USP32: variants seen among roughly 807,000 people sequenced by gnomAD.
The protein encoded by USP32 is ubiquitin carboxyl-terminal hydrolase 32.
In USP32, 59 loss-of-function variants were observed where a neutral mutation model predicts 204.8. That is an observed-to-expected ratio of 0.29 (90% CI 0.23 to 0.36). The LOEUF (loss-of-function observed/expected upper bound fraction) is 0.36, where lower values mean the gene tolerates loss of function less well. Ranked by LOEUF, USP32 falls within the 10% of genes least tolerant of loss-of-function variation. USP32 has a pLI of 1.00. For missense variants in USP32, 1,160 were observed against 1,946.4 expected (o/e 0.60, Z 7.60); for synonymous variants, 517 against 678.4 (o/e 0.76, Z 3.70).
intron 5 of USP32, among the ~76,000 whole-genome samples, chr17:60,283,836 C>G (rs2087036074): frequency 6.6e-6 from 1 of 151,932 alleles, no homozygotes; most frequent in Admixed American, 6.6e-5. Context: ...TAGGTATCAC[C>G]TACAAAGATA....
intron 9 of USP32, chr17:60,257,125 G>A (rs1205822393): frequency 5.6e-6 from 1 of 178,132 alleles, no homozygotes; most frequent in African/African-American, 2.4e-5. Flanking sequence ...TTTGAGAAAA[G>A]CAAAGGTTTT....
chr17:60,317,632 T>C (rs1030518073), intron 2 of USP32, among the ~76,000 whole-genome samples: 2 of 151,252 alleles, frequency 1.3e-5, no homozygotes, highest in African/African-American at 4.9e-5. Flanking sequence ...CTGGGCAAAA[T>C]AGCGAGACCC....
At chr17:60,198,615 TA>T (rs2084589196) in intron 26 of USP32, among the ~76,000 whole-genome samples, 171 bp from the exon 27 acceptor site, 3 of 152,370 alleles carry the variant, frequency 2.0e-5, no homozygotes, top group Admixed American at 1.3e-4. Context: ...AGAGAACGGT[TA>T]CAGTGGAGTC....
chr17:60,350,914 A>G (rs748200075), intron 1 of USP32, among the ~76,000 whole-genome samples: 7 of 152,112 alleles, frequency 4.6e-5, no homozygotes, highest in Non-Finnish European at 1.0e-4. Flanking sequence ...TTTAACTCAC[A>G]AAGACAAAAA....
intron 2 of USP32, among the ~76,000 whole-genome samples, chr17:60,337,162 T>C (rs2088542677): frequency 2.0e-5 from 3 of 152,298 alleles, no homozygotes; most frequent in East Asian, 3.9e-4. Flanking sequence ...ACCTAGACTA[T>C]CTGGTAAATA....
chr17:60,332,556 G>GT (rs1360295967), intron 2 of USP32, among the ~76,000 whole-genome samples: 3 of 152,166 alleles, frequency 2.0e-5, no homozygotes. Context: ...GCTGAAGCAG[G>GT]AGAATCGCTT....
intron 12 of USP32, among the ~76,000 whole-genome samples, chr17:60,227,228 C>A (rs1044499798): frequency 6.6e-6 from 1 of 150,672 alleles, no homozygotes; most frequent in Admixed American, 6.6e-5. Flanking sequence ...ATATTATTGC[C>A]TTCTATTTCT....
intron 2 of USP32, among the ~76,000 whole-genome samples, chr17:60,308,630 C>T (rs1431630094): frequency 6.6e-6 from 1 of 152,118 alleles, no homozygotes; most frequent in Non-Finnish European, 1.5e-5. Context: ...TAACTATACG[C>T]AGAAAAATAA....
chr17:60,334,843 C>T lies in USP32; in HGVS notation c.186+10638G>A, dbSNP rs1386528423. 1.4e-5 allele frequency among the ~76,000 whole-genome samples: 2 copies of T among 143,168 alleles called. 1 individual carries two copies. Among genetic ancestry groups the T allele is most frequent in the African/African-American group, 6.0e-5 (2 of 33,534 alleles). The allele number at this position is 143,168 out of a possible 152,430, so 93.9% of individuals were successfully genotyped here. ...TAGCTTTAGCAGCTCAATATATATA[C>T]AGAGATGGGGTTTCACCATGTTGGT... On this transcript the variant is annotated intron_variant, in intron 2 of 33. Transcript: ENST00000300896.
intron 2 of USP32, among the ~76,000 whole-genome samples, chr17:60,337,681 AGCCTAG>A (rs1312782015): frequency 6.6e-6 from 1 of 152,144 alleles, no homozygotes; most frequent in Non-Finnish European, 1.5e-5. Flanking sequence ...GTTTGTGACC[AGCCTAG>A]GCAATATGGT....
chr17:60,370,064 A>G lies in USP32; in HGVS notation c.58+21818T>C, dbSNP rs1446928886. 3.3e-5 allele frequency among the ~76,000 whole-genome samples: 5 copies of G among 150,368 alleles called. No homozygotes were observed. In the East Asian group the frequency reaches 7.8e-4, roughly 24 times the overall value. On this transcript the variant is annotated intron_variant, in intron 1 of 33. Coordinates refer to ENST00000300896, the MANE Select transcript of USP32 (RefSeq NM_032582.4). ...TACAAAATAATTTTTTTTTTTTTTG[A>G]GACAGAGTTTCACTCTTGTTGCCCA...
At chr17:60,253,398 G>A (rs1462868455) in intron 10 of USP32, among the ~76,000 whole-genome samples, 1 of 149,696 alleles carries the variant, frequency 6.7e-6, no homozygotes, top group Non-Finnish European at 1.5e-5. Flanking sequence ...ATTTTAAAAA[G>A]TAACAATAGT....
intron 5 of USP32, among the ~76,000 whole-genome samples, chr17:60,272,003 TG>T (rs1360730237): frequency 6.6e-6 from 1 of 152,064 alleles, no homozygotes; most frequent in Non-Finnish European, 1.5e-5. Flanking sequence ...TTTGCAGAGA[TG>T]GGGTCTCGCT....
chr17:60,267,059 G>A (rs541611413), intron 7 of USP32, among the ~76,000 whole-genome samples: 2 of 151,800 alleles, frequency 1.3e-5, no homozygotes, highest in East Asian at 2.0e-4. Flanking sequence ...AAAGTGGTAC[G>A]ATTACAGGCA....
chr17:60,212,864 G>A (rs957411213), intron 18 of USP32, among the ~76,000 whole-genome samples: 2 of 151,348 alleles, frequency 1.3e-5, no homozygotes, highest in Non-Finnish European at 2.9e-5. Flanking sequence ...ACTGATTCTC[G>A]TGCCTCAGCT....
chr17:60,386,596 C>A (rs1404424656), intron 1 of USP32, among the ~76,000 whole-genome samples: 2 of 152,106 alleles, frequency 1.3e-5, no homozygotes, highest in African/African-American at 4.8e-5. Context: ...GCATCACAAT[C>A]CCAACTCTAA....
intron 15 of USP32, among the ~76,000 whole-genome samples, chr17:60,221,697 G>T (rs562093588): frequency 6.6e-6 from 1 of 151,776 alleles, no homozygotes. Flanking sequence ...TTAGACACGG[G>T]GTTTCACTAT....
At chr17:60,308,293 G>C (rs2087776273) in intron 2 of USP32, among the ~76,000 whole-genome samples, 1 of 152,126 alleles carries the variant, frequency 6.6e-6, no homozygotes, top group South Asian at 2.1e-4. Context: ...ACGCACTGGG[G>C]CTTCAGGAGC....
chr17:60,272,112 G>A (rs1474489608), intron 5 of USP32, among the ~76,000 whole-genome samples: 1 of 152,140 alleles, frequency 6.6e-6, no homozygotes, highest in East Asian at 1.9e-4. Flanking sequence ...ACTGTGCTCA[G>A]CCATTTTTGT....
Sources: gnomAD v4.1 joint callset for allele counts (sites outside exome capture counted in the v4.1 genomes callset) on GRCh38, gnomAD v4.1.1 for gene constraint, MANE v1.5 for transcripts, NCBI Gene and HGNC (gene_info 2026-07-23, HGNC 2026-07-21) for gene names.